Variants in PHACTR4 observed in about 807,000 individuals in gnomAD.
PHACTR4 encodes phosphatase and actin regulator 4, also known as protein phosphatase 1, regulatory subunit 124.
A neutral mutation model predicts 72.7 loss-of-function variants in PHACTR4; 51 were observed. The observed-to-expected ratio is 0.70, with a 90% confidence interval of 0.56 to 0.89. PHACTR4 has a LOEUF of 0.89. Among genes scored for constraint, PHACTR4 ranks in the 40% least tolerant of loss-of-function variants. The pLI is 0.00. For missense variants in PHACTR4, 731 were observed against 861.8 expected (o/e 0.85, Z 1.90); for synonymous variants, 255 against 302.5 (o/e 0.84, Z 1.63).
intron 1 of PHACTR4, among the ~76,000 whole-genome samples, chr1:28,375,202 G>A (rs1651552027): frequency 6.6e-6 from 1 of 152,158 alleles, no homozygotes; most frequent in Non-Finnish European, 1.5e-5. Flanking sequence ...GGGAGGCTGA[G>A]GCATGAGACT....
chr1:28,465,279 G>A (rs1659070725), intron 4 of PHACTR4, among the ~76,000 whole-genome samples: 1 of 152,066 alleles, frequency 6.6e-6, no homozygotes, highest in African/African-American at 2.4e-5. Flanking sequence ...GGCTAACACG[G>A]TGAAACCCCG....
intron 2 of PHACTR4, among the ~76,000 whole-genome samples, chr1:28,454,270 CTTTTTTTT>C (rs945039969): frequency 1.1e-5 from 1 of 95,084 alleles, no homozygotes; most frequent in Non-Finnish European, 2.0e-5. Flanking sequence ...ATCACTTTGT[CTTTTTTTT>C]TTTTTTTTTT....
In PHACTR4 at chr1:28,485,856, G is replaced by A. The variant is rs13374937; in HGVS notation, c.1761-3314G>A. On this transcript the variant is annotated intron_variant, in intron 9 of 13. Transcript: ENST00000373839. ...AGAGGTTGCAATGAGCCAAGATCAC[G>A]CCACTGCACTCCAGCCTGGGCAACA... is the stretch of plus-strand genomic sequence containing the variant. 2.3e-3 allele frequency among the ~76,000 whole-genome samples: 347 copies of A among 151,142 alleles called. 2 individuals are homozygous for A. Among genetic ancestry groups the A allele is most frequent in the African/African-American group, 8.0e-3 (330 of 41,178 alleles).
chr1:28,444,052 A>C (rs1393116968), intron 2 of PHACTR4, among the ~76,000 whole-genome samples: 8 of 151,728 alleles, frequency 5.3e-5, no homozygotes, highest in Admixed American at 5.3e-4. Flanking sequence ...TCCCACCGAC[A>C]GTGTATAGTG....
rs1661572249 is a variant in PHACTR4, at chr1:28,499,932, T to A, written c.*3383T>A. ...GATTTGGAGGCTGTCTTCTGCCAGA[T>A]TTTTTGTGGCTTGAGATGATATTTT... On this transcript the variant is annotated 3_prime_UTR_variant, in exon 14 of 14. Coordinates refer to ENST00000373839, the MANE Select transcript of PHACTR4 (RefSeq NM_001048183.3). 1 of 152,192 alleles carries A rather than the reference T, an allele frequency of 6.6e-6. No individual in the cohort carries two copies. Among genetic ancestry groups the A allele is most frequent in the South Asian group, 2.1e-4 (1 of 4,830 alleles). The allele number at this position is 152,192 out of a possible 1,614,324, so 9.4% of individuals were successfully genotyped here.
chr1:28,407,946 C>T (rs1182981137), intron 2 of PHACTR4, among the ~76,000 whole-genome samples: 1 of 151,914 alleles, frequency 6.6e-6, no homozygotes, highest in African/African-American at 2.4e-5. Context: ...TGACAAAACC[C>T]CGTCTCTACT....
chr1:28,448,784 A>AAC (rs1657705971), intron 2 of PHACTR4, among the ~76,000 whole-genome samples: 1 of 145,362 alleles, frequency 6.9e-6, no homozygotes, highest in Non-Finnish European at 1.5e-5. Context: ...AAAAAAAAAA[A>AAC]ACCTGATAAG....
chr1:28,386,069 G>C (rs1652539872), intron 1 of PHACTR4, among the ~76,000 whole-genome samples: 2 of 152,138 alleles, frequency 1.3e-5, no homozygotes, highest in African/African-American at 4.8e-5. Flanking sequence ...GTGGCAATGA[G>C]AAGAATGTGT....
intron 2 of PHACTR4, among the ~76,000 whole-genome samples, chr1:28,438,671 T>C (rs1441084930): frequency 6.6e-6 from 1 of 152,206 alleles, no homozygotes; most frequent in Non-Finnish European, 1.5e-5. Context: ...ACAGTTTTGT[T>C]TTACTTGATC....
At chr1:28,448,780 A>C (rs546965832) in intron 2 of PHACTR4, among the ~76,000 whole-genome samples, 6,158 of 134,300 alleles carry the variant, frequency 0.046, 503 homozygotes, top group African/African-American at 0.14. Context: ...AAAAAAAAAA[A>C]AAAAACCTGA....
chr1:28,476,209 GGAA>G lies in PHACTR4; in HGVS notation c.1530_1532del (p.Glu511del). On this transcript the variant is annotated inframe_deletion, in exon 8 of 14. Coordinates refer to ENST00000373839, the MANE Select transcript of PHACTR4 (RefSeq NM_001048183.3). Reference sequence around the variant, plus strand: ...CTAAATTACCACAGTGTCTACGGGAGGAAGAAGAGAAGGAGAGCGACTCTGATT... The same window carrying G: ...CTAAATTACCACAGTGTCTACGGGAGGAAGAGAAGGAGAGCGACTCTGATT... The G allele has an allele frequency of 6.2e-7, 1 of 1,613,708 alleles. No homozygotes were observed. The highest frequency in any genetic ancestry group is 8.5e-7 in the Non-Finnish European group (1 of 1,179,828).
intron 8 of PHACTR4, among the ~76,000 whole-genome samples, chr1:28,479,601 A>T (rs1277548559): frequency 1.4e-5 from 2 of 147,762 alleles, no homozygotes; most frequent in Admixed American, 6.7e-5. Flanking sequence ...AAAAAAAAAA[A>T]GAGGCCAGGC....
At chr1:28,491,585 A>G (rs1161232763) in intron 11 of PHACTR4, 65 bp from the exon 12 acceptor site, 13 of 1,608,198 alleles carry the variant, frequency 8.1e-6, no homozygotes, top group Non-Finnish European at 1.1e-5. Flanking sequence ...GGTTAGAGGC[A>G]ATTTGAATGC....
Position 28,390,055 on chromosome 1 carries a change from G to A in PHACTR4, c.-38-17355G>A, listed in dbSNP as rs146135497. On this transcript the variant is annotated intron_variant, in intron 1 of 13. Transcript: ENST00000373839. ...CAGCCTTGAAAAAGAAGGGAATCTT[G>A]TCATTTGGGACAACATGGATGAACT... 6.6e-5 allele frequency among the ~76,000 whole-genome samples: 10 copies of A among 152,314 alleles called. No individual in the cohort carries two copies. In the East Asian group the frequency reaches 1.9e-3, roughly 29 times the overall value.
chr1:28,450,126 A>G (rs61783859), intron 2 of PHACTR4, among the ~76,000 whole-genome samples: 42,669 of 151,284 alleles, frequency 0.28, 6,169 homozygotes, highest in Middle Eastern at 0.34. Context: ...CCCAGCCTCC[A>G]CCCCCTCCAA....
At chr1:28,409,274 G>C (rs1309131047) in intron 2 of PHACTR4, among the ~76,000 whole-genome samples, 1 of 151,816 alleles carries the variant, frequency 6.6e-6, no homozygotes, top group African/African-American at 2.4e-5. Context: ...GTGTTTGGAT[G>C]GTAAGGGGTG....
Position 28,490,457 on chromosome 1 carries a change from G to A in PHACTR4, c.1817-494G>A, listed in dbSNP as rs772966306. 8.6e-5 allele frequency among the ~76,000 whole-genome samples: 13 copies of A among 151,828 alleles called. No individual in the cohort carries two copies. In the South Asian group the frequency reaches 1.0e-3, roughly 12 times the overall value. ...TGAGGCAGGAGAATGGCGTGAACCC[G>A]GGAAGCGGAGCTTGCAGTGAGCCGA... On this transcript the variant is annotated intron_variant, in intron 10 of 13. Transcript: ENST00000373839.
chr1:28,457,074 A>G (rs1303631573), intron 2 of PHACTR4, among the ~76,000 whole-genome samples: 1 of 152,170 alleles, frequency 6.6e-6, no homozygotes, highest in African/African-American at 2.4e-5. Flanking sequence ...CACTTTAGTA[A>G]TGAGGATGCT....
chr1:28,377,899 A>G (rs1012616560), intron 1 of PHACTR4, among the ~76,000 whole-genome samples: 9 of 151,660 alleles, frequency 5.9e-5, no homozygotes, highest in Admixed American at 2.6e-4. Flanking sequence ...GTATTTATGT[A>G]CTTGTTAAAA....
Sources: allele counts gnomAD v4.1 joint callset (sites outside exome capture counted in the v4.1 genomes callset), GRCh38; gene constraint gnomAD v4.1.1; transcripts MANE v1.5; gene names NCBI Gene and HGNC (gene_info 2026-07-23, HGNC 2026-07-21).